The following CHD2 variants were observed in gnomAD, a reference collection of about 807,000 sequenced individuals.
CHD2 encodes chromodomain helicase DNA binding protein 2, also known as ATP-dependent chromatin remodeler CHD2.
CHD2 carries 28 observed loss-of-function variants against 243.9 expected under a neutral mutation model. The observed-to-expected ratio is 0.11, with a 90% confidence interval of 0.09 to 0.16. The LOEUF (loss-of-function observed/expected upper bound fraction) is 0.16. CHD2 is among the 10% of genes least tolerant of loss of function. The probability of loss-of-function intolerance (pLI) is 1.00; values close to 1 mark genes in which losing one functional copy is unlikely to be tolerated. For synonymous variants in CHD2, 775 were observed against 779.0 expected (o/e 0.99, Z 0.09); for missense variants, 1,386 against 2,209.8 (o/e 0.63, Z 7.47).
At chr15:92,991,811 A>G (rs560869691) in intron 27 of CHD2, 65 of 259,322 alleles carry the variant, frequency 2.5e-4, no homozygotes, top group Non-Finnish European at 3.8e-4. Flanking sequence ...AGAGATGTTC[A>G]TGTAACTCCA....
intron 12 of CHD2, among the ~76,000 whole-genome samples, chr15:92,948,361 C>T (rs1259883456): frequency 6.6e-6 from 1 of 152,156 alleles, no homozygotes; most frequent in Non-Finnish European, 1.5e-5. Context: ...ATAGGAGACT[C>T]TGACTGCCAT....
rs539443609 is a variant in CHD2, at chr15:93,013,600, T to C, written c.4693-1096T>C. 7.9e-5 allele frequency among the ~76,000 whole-genome samples: 12 copies of C among 152,302 alleles called. No homozygotes were observed. The East Asian group carries it at 2.3e-3, about 29-fold the overall frequency. On this transcript the variant is annotated intron_variant, in intron 36 of 38. Coordinates refer to ENST00000394196, the MANE Select transcript of CHD2 (RefSeq NM_001271.4). Reference sequence around the variant, plus strand: ...TGAGAAGGAGATAGAGATTTAAACATGTTTATAATGGAAATGGCTTGGAAG... The same window carrying C: ...TGAGAAGGAGATAGAGATTTAAACACGTTTATAATGGAAATGGCTTGGAAG...
At chr15:93,008,459 T>C (rs1199001355) in intron 34 of CHD2, among the ~76,000 whole-genome samples, 1 of 152,238 alleles carries the variant, frequency 6.6e-6, no homozygotes, top group Non-Finnish European at 1.5e-5. Context: ...TCCTTCCTTC[T>C]GAAGACACCT....
At chr15:92,922,793 A>G (rs1236548597) in intron 2 of CHD2, among the ~76,000 whole-genome samples, 1 of 152,148 alleles carries the variant, frequency 6.6e-6, no homozygotes, top group Non-Finnish European at 1.5e-5. Context: ...TTTTTGCTTC[A>G]GAGTATCTTC....
chr15:92,996,805 GAAAAA>G, intron 28 of CHD2, 147 bp from the exon 29 acceptor site: 1 of 681,178 alleles, frequency 1.5e-6, no homozygotes, highest in Non-Finnish European at 2.3e-6. Context: ...CATTAGTTGA[GAAAAA>G]AATTTGTCTT....
chr15:92,965,547 G>T (rs1233508074), intron 16 of CHD2, among the ~76,000 whole-genome samples: 3 of 129,212 alleles, frequency 2.3e-5, no homozygotes, highest in African/African-American at 3.1e-5. Context: ...CTGGGCGACA[G>T]AGCCGAGACT....
At position 92,969,812 on chromosome 15, in the gene CHD2, C is replaced by CTT. The variant is rs11297975; in HGVS notation, c.2190-1937_2190-1936dup. Among the ~76,000 whole-genome samples, 34 of 132,588 alleles carry CTT rather than the reference C, an allele frequency of 2.6e-4. 1 individual carries two copies. The highest frequency in any genetic ancestry group is 4.8e-4 in the South Asian group (2 of 4,186). 87.0% of individuals were successfully genotyped at this position (132,588 alleles called of 152,430 possible). Reference sequence around the variant, plus strand: ...AATAGTAAAAACAGGTTAAGATTTTCTTTTTTTTTTTTTTTTTGAGACGGA... The same window carrying CTT: ...AATAGTAAAAACAGGTTAAGATTTTCTTTTTTTTTTTTTTTTTTTGAGACGGA... On this transcript the variant is annotated intron_variant, in intron 17 of 38. Coordinates refer to ENST00000394196, the MANE Select transcript of CHD2 (RefSeq NM_001271.4).
At chr15:92,990,465 T>C (rs1306492599) in intron 26 of CHD2, among the ~76,000 whole-genome samples, 1 of 152,214 alleles carries the variant, frequency 6.6e-6, no homozygotes, top group Non-Finnish European at 1.5e-5. Flanking sequence ...ATTGCTTTTA[T>C]GGGGGAGCAG....
rs1048527297 is a variant in CHD2, at chr15:92,900,374, C to G, written c.-522C>G. 6.6e-5 allele frequency: 26 copies of G among 392,228 alleles called. No homozygotes were observed. Among genetic ancestry groups the G allele is most frequent in the Non-Finnish European group, 1.1e-4 (25 of 222,706 alleles). The allele number at this position is 392,228 out of a possible 1,614,324, so 24.3% of individuals were successfully genotyped here. A position where few individuals can be genotyped will look rare whatever the true frequency, so the allele number is the denominator to read the frequency against. ...GCGGCTGTGCCTTAGAGAGAGCGCG[C>G]TCTGCTCCCTGCCTTTGCCTCACTT... On this transcript the variant is annotated 5_prime_UTR_variant, in exon 1 of 39. Transcript: ENST00000394196.
intron 34 of CHD2, among the ~76,000 whole-genome samples, chr15:93,006,657 T>G (rs1179742285): frequency 3.9e-5 from 6 of 152,218 alleles, no homozygotes; most frequent in Non-Finnish European, 8.8e-5. Flanking sequence ...GTTAAGTGAT[T>G]TGCCCTGTGT....
chr15:92,912,147 G>T (rs975483877), intron 2 of CHD2, among the ~76,000 whole-genome samples: 1 of 151,352 alleles, frequency 6.6e-6, no homozygotes, highest in African/African-American at 2.4e-5. Context: ...CTTCAAGTTT[G>T]TTTTTTTTTG....
chr15:92,960,705 GTTTTTT>G (rs71467745), intron 16 of CHD2, among the ~76,000 whole-genome samples: 4 of 51,452 alleles, frequency 7.8e-5, no homozygotes, highest in African/African-American at 1.5e-4. Flanking sequence ...TCTGTTTGGT[GTTTTTT>G]TTTTTTTTTT....
chr15:93,019,740 C>T (rs1331028144), intron 37 of CHD2, among the ~76,000 whole-genome samples: 1 of 152,090 alleles, frequency 6.6e-6, no homozygotes, highest in Non-Finnish European at 1.5e-5. Flanking sequence ...TTGAGACCAG[C>T]CTAGCCAACA....
At chr15:92,934,099 AAGG>A (rs1195682069) in intron 5 of CHD2, among the ~76,000 whole-genome samples, 2 of 152,218 alleles carry the variant, frequency 1.3e-5, no homozygotes, top group Non-Finnish European at 2.9e-5. Context: ...GTGGAGGAAA[AAGG>A]AGTTTTCTTT....
chr15:92,961,001 G>A (rs2053680786), intron 16 of CHD2, among the ~76,000 whole-genome samples: 1 of 152,056 alleles, frequency 6.6e-6, no homozygotes, highest in Non-Finnish European at 1.5e-5. Context: ...TGGGATTACA[G>A]GCGTGAGCCA....
chr15:92,970,772 G>A (rs1252916690), intron 17 of CHD2, among the ~76,000 whole-genome samples: 1 of 152,104 alleles, frequency 6.6e-6, no homozygotes, highest in East Asian at 1.9e-4. Flanking sequence ...TTTCCTTGTG[G>A]TAGGCACTTA....
intron 38 of CHD2, among the ~76,000 whole-genome samples, chr15:93,022,822 G>A (rs745485446): frequency 2.0e-5 from 3 of 152,188 alleles, no homozygotes; most frequent in Non-Finnish European, 4.4e-5. Context: ...GTGAACAGGA[G>A]CCGTTAAAAG....
chr15:93,000,865 G>GTTGT (rs368495724), intron 32 of CHD2, among the ~76,000 whole-genome samples: 10 of 152,086 alleles, frequency 6.6e-5, no homozygotes, highest in South Asian at 2.1e-4. Context: ...TTTTGTTGTT[G>GTTGT]TTGTTTGTTT....
chr15:93,022,685 T>C (rs1174326094), intron 38 of CHD2, among the ~76,000 whole-genome samples: 1 of 152,238 alleles, frequency 6.6e-6, no homozygotes, highest in Non-Finnish European at 1.5e-5. Context: ...CAGCACTGTC[T>C]TCTCTCATGC....
Sources: gnomAD v4.1 joint callset for allele counts (sites outside exome capture counted in the v4.1 genomes callset) on GRCh38, gnomAD v4.1.1 for gene constraint, MANE v1.5 for transcripts, NCBI Gene and HGNC (gene_info 2026-07-23, HGNC 2026-07-21) for gene names.